CFAP20DC: variants seen among roughly 807,000 people sequenced by gnomAD.
The protein encoded by CFAP20DC is CFAP20 domain containing, also known as protein CFAP20DC.
In CFAP20DC, 84 loss-of-function variants were observed where a neutral mutation model predicts 101.7. The ratio of observed to expected loss-of-function variants is 0.83; its 90% CI spans 0.69 to 0.99. The LOEUF (loss-of-function observed/expected upper bound fraction) is 0.99. Ranked by LOEUF, CFAP20DC falls within the 50% of genes least tolerant of loss-of-function variation. The pLI is 0.00. For synonymous variants in CFAP20DC, 359 were observed against 351.2 expected (o/e 1.02, Z -0.25); for missense variants, 1,007 against 970.3 (o/e 1.04, Z -0.50).
chr3:58,775,470 GCTAA>G (rs1215539048), intron 15 of CFAP20DC, among the ~76,000 whole-genome samples: 2 of 152,046 alleles, frequency 1.3e-5, no homozygotes, highest in East Asian at 1.9e-4. Context: ...GTATTTATTT[GCTAA>G]CTAACTACCA....
In CFAP20DC at chr3:58,849,277, C is replaced by A; in HGVS notation, c.1726G>T (p.Glu576Ter). The change falls in exon 13 of 17, where the codon GAA (glutamate) becomes TAA (stop). Residue 576 changes from glutamate (E) to a stop codon, truncating the protein, a stop_gained. Transcript: ENST00000482387. LOFTEE classifies it high-confidence loss of function. ...TCCTGGCTTTCTGTTGCTCCTGCTTCTGTGTAGGCGCTCCTTAGATATTCC... is the reference window on the plus strand; with the variant it reads ...TCCTGGCTTTCTGTTGCTCCTGCTTATGTGTAGGCGCTCCTTAGATATTCC... ...SKEYLRSAYT[E>*]AGATESQDSS... 1 of 1,536,100 alleles carries A rather than the reference C, an allele frequency of 6.5e-7. No individual in the cohort carries two copies. Among genetic ancestry groups the A allele is most frequent in the East Asian group, 2.4e-5 (1 of 40,916 alleles).
chr3:58,780,213 T>G (rs1347424314), intron 15 of CFAP20DC, among the ~76,000 whole-genome samples: 1 of 152,122 alleles, frequency 6.6e-6, no homozygotes, highest in East Asian at 1.9e-4. Context: ...CAAGCAATGC[T>G]TAAGGAAGTC....
rs896596546 is a variant in CFAP20DC at position 58,979,661 on chromosome 3, T to C, written c.279-41899A>G. The stretch of plus-strand genomic sequence containing the variant: ...GCAACAGCACTGAGTTTCAGCACTT[T>C]AGGCGCTTGTCAAAAATTCAACTAC... On this transcript the variant is annotated intron_variant, in intron 4 of 16. Transcript: ENST00000482387. Among the ~76,000 whole-genome samples, 8 of 152,326 alleles carry C rather than the reference T, an allele frequency of 5.3e-5. No individual in the cohort carries two copies. In the South Asian group the frequency reaches 1.2e-3, roughly 24 times the overall value.
intron 6 of CFAP20DC, among the ~76,000 whole-genome samples, chr3:58,898,487 C>A (rs1184125979): frequency 3.9e-5 from 6 of 152,146 alleles, no homozygotes; most frequent in Non-Finnish European, 7.4e-5. Flanking sequence ...CTATTGATAC[C>A]TGTGATTGCA....
chr3:58,943,973 A>G (rs1384294957), intron 4 of CFAP20DC, among the ~76,000 whole-genome samples: 6 of 152,178 alleles, frequency 3.9e-5, no homozygotes, highest in Non-Finnish European at 8.8e-5. Flanking sequence ...AAAGGATATC[A>G]GAAAATGAGG....
intron 5 of CFAP20DC, among the ~76,000 whole-genome samples, chr3:58,921,933 CTTA>C (rs1375528470): frequency 1.3e-5 from 2 of 152,152 alleles, no homozygotes; most frequent in African/African-American, 4.8e-5. Context: ...ATTTAACCTC[CTTA>C]TCATTGTGAA....
At position 58,827,441 on chromosome 3, in the gene CFAP20DC, G is replaced by A. The variant is rs556044452; in HGVS notation, c.2175+4245C>T. Among the ~76,000 whole-genome samples the A allele has an allele frequency of 6.0e-5, 9 of 151,156 alleles. No individual in the cohort carries two copies. In the South Asian group the frequency reaches 1.3e-3, roughly 21 times the overall value. ...ATGTTGGGTGGGGGGTGGGTAGCGAGACAAGCAAAACTCATTTCAAGTGCT... is the reference window on the plus strand; with the variant it reads ...ATGTTGGGTGGGGGGTGGGTAGCGAAACAAGCAAAACTCATTTCAAGTGCT... On this transcript the variant is annotated intron_variant, in intron 14 of 16. Transcript: ENST00000482387.
intron 13 of CFAP20DC, among the ~76,000 whole-genome samples, chr3:58,839,623 C>T (rs977302502): frequency 6.6e-6 from 1 of 152,174 alleles, no homozygotes; most frequent in African/African-American, 2.4e-5. Context: ...CTTCAATAAA[C>T]ATTTGATGAG....
chr3:58,988,007 TATAAA>T (rs936886959), intron 4 of CFAP20DC, among the ~76,000 whole-genome samples: 2 of 151,958 alleles, frequency 1.3e-5, no homozygotes, highest in Non-Finnish European at 2.9e-5. Context: ...CTAGAAAAAT[TATAAA>T]ATAATCTAAT....
chr3:58,844,370 T>G (rs1251543751), intron 13 of CFAP20DC, among the ~76,000 whole-genome samples: 3,176 of 138,056 alleles, frequency 0.023, 145 homozygotes, highest in African/African-American at 0.089. Context: ...TCCTAGTCTC[T>G]GATAAAACAG....
In CFAP20DC at chr3:59,049,677, C is replaced by G; in HGVS notation, c.-46G>C. ...TTGGGGGGCACAGAGTTCAGGGTTTCCAGCGAGTGGCGTGACCCTGACGGC... is the reference window on the plus strand; with the variant it reads ...TTGGGGGGCACAGAGTTCAGGGTTTGCAGCGAGTGGCGTGACCCTGACGGC... On this transcript the variant is annotated 5_prime_UTR_variant, in exon 1 of 17. Transcript: ENST00000482387. 6.5e-7 allele frequency: 1 copy of G among 1,533,254 alleles called. No homozygotes were observed. The highest frequency in any genetic ancestry group is 8.7e-7 in the Non-Finnish European group (1 of 1,145,270). 95.0% of individuals were successfully genotyped at this position (1,533,254 alleles called of 1,614,324 possible).
chr3:59,045,344 T>C (rs1420824607), intron 3 of CFAP20DC, among the ~76,000 whole-genome samples: 1 of 151,916 alleles, frequency 6.6e-6, no homozygotes, highest in Admixed American at 6.6e-5. Flanking sequence ...ATTCGATAAA[T>C]GTTCTAATGA....
Position 58,774,818 on chromosome 3 carries a change from T to TA in CFAP20DC, c.2238-20956dup, listed in dbSNP as rs574496857. 2.2e-3 allele frequency among the ~76,000 whole-genome samples: 333 copies of TA among 152,352 alleles called. 4 individuals carry two copies. The highest frequency in any genetic ancestry group is 7.6e-3 in the African/African-American group (318 of 41,588). The stretch of plus-strand genomic sequence containing the variant: ...TTATTAATGGTGTGTTTCTCACTCT[T>TA]AAAAATCACAGTTTTAGCTATAAAG... On this transcript the variant is annotated intron_variant, in intron 15 of 16. Transcript: ENST00000482387.
At chr3:58,758,532 CTTATTTAT>C (rs61227170) in intron 15 of CFAP20DC, among the ~76,000 whole-genome samples, 2 of 151,616 alleles carry the variant, frequency 1.3e-5, no homozygotes, top group African/African-American at 4.8e-5. Context: ...GACTATAATC[CTTATTTAT>C]TTATTTATTT....
rs2079391047 is a variant in CFAP20DC, at chr3:58,863,138, T to C, written c.1593+420A>G. 1.9e-6 allele frequency: 2 copies of C among 1,057,928 alleles called. No homozygotes were observed. The highest frequency in any genetic ancestry group is 7.5e-5 in the East Asian group (1 of 13,286). 65.5% of individuals were successfully genotyped at this position (1,057,928 alleles called of 1,614,324 possible). On this transcript the variant is annotated intron_variant, in intron 12 of 16. Coordinates refer to ENST00000482387, the MANE Select transcript of CFAP20DC (RefSeq NM_001394063.1). The surrounding 1 kb of genome is among the most constrained non-coding windows in gnomAD (Gnocchi z 5.9). ...TCCTAATAGGTCTAAGGTGAAAAGA[T>C]GGCAGGGGAGTAAGGAAGCCAGAAA...
At chr3:58,978,587 T>C (rs2092383361) in intron 4 of CFAP20DC, among the ~76,000 whole-genome samples, 2 of 151,922 alleles carry the variant, frequency 1.3e-5, no homozygotes. Flanking sequence ...TACACGTCTG[T>C]AATCCCAGCT....
At chr3:58,983,006 A>T (rs2092625290) in intron 4 of CFAP20DC, among the ~76,000 whole-genome samples, 1 of 152,102 alleles carries the variant, frequency 6.6e-6, no homozygotes, top group Non-Finnish European at 1.5e-5. Context: ...AGTGGTATTA[A>T]GCATATGCAG....
At chr3:58,918,208 C>G (rs1374195606) in intron 5 of CFAP20DC, among the ~76,000 whole-genome samples, 30 of 152,232 alleles carry the variant, frequency 2.0e-4, no homozygotes, top group Admixed American at 1.9e-3. Context: ...TCCATTTGTG[C>G]TTCTACAGCC....
At chr3:58,763,024 G>A (rs1287624072) in intron 15 of CFAP20DC, among the ~76,000 whole-genome samples, 2 of 152,136 alleles carry the variant, frequency 1.3e-5, no homozygotes, top group Non-Finnish European at 2.9e-5. Context: ...TCTTGGAGTT[G>A]CTCTTCTGGA....
Sources: gnomAD v4.1 joint callset for allele counts (sites outside exome capture counted in the v4.1 genomes callset) on GRCh38, gnomAD v4.1.1 for gene constraint, Gnocchi (gnomAD v3.1) non-coding constraint, MANE v1.5 for transcripts, NCBI Gene and HGNC (gene_info 2026-07-23, HGNC 2026-07-21) for gene names.